Variants in ATP2B2 observed in about 807,000 individuals in gnomAD.
ATP2B2 encodes plasma membrane calcium-transporting ATPase 2.
ATP2B2 carries 15 observed loss-of-function variants against 120.0 expected under a neutral mutation model. The observed-to-expected ratio is 0.12, with a 90% confidence interval of 0.08 to 0.19. ATP2B2 has a LOEUF of 0.19. Ranked by LOEUF, ATP2B2 falls within the 10% of genes least tolerant of loss-of-function variation. The probability of loss-of-function intolerance (pLI) is 1.00; values close to 1 mark genes in which losing one functional copy is unlikely to be tolerated. For missense variants in ATP2B2, 1,045 were observed against 1,719.8 expected, an observed-to-expected ratio of 0.61 and a Z score of 6.94; for synonymous variants, 694 against 700.3, an observed-to-expected ratio of 0.99 and a Z score of 0.14.
intron 1 of ATP2B2, among the ~76,000 whole-genome samples, chr3:10,651,605 C>G (rs2070464186): frequency 6.6e-6 from 1 of 152,004 alleles, no homozygotes; most frequent in South Asian, 2.1e-4. Flanking sequence ...TGGAGTAACA[C>G]AGATGGGTTC....
chr3:10,479,824 G>C (rs1295704740), intron 1 of ATP2B2, among the ~76,000 whole-genome samples: 2 of 152,180 alleles, frequency 1.3e-5, no homozygotes, highest in African/African-American at 2.4e-5. Context: ...GGCTGGGCTT[G>C]GTGGCTCATG....
chr3:10,479,669 C>T (rs1575357121), intron 1 of ATP2B2, among the ~76,000 whole-genome samples: 1 of 152,114 alleles, frequency 6.6e-6, no homozygotes, highest in Admixed American at 6.5e-5. Context: ...TTCACTAAGG[C>T]CTGTGTCTAC....
chr3:10,686,629 A>G (rs2071532079), intron 1 of ATP2B2, among the ~76,000 whole-genome samples: 1 of 151,804 alleles, frequency 6.6e-6, no homozygotes, highest in African/African-American at 2.4e-5. Flanking sequence ...ACTCCAGCCT[A>G]GGCGACAGTG....
intron 2 of ATP2B2, among the ~76,000 whole-genome samples, chr3:10,557,002 C>A (rs75002986): frequency 0.039 from 5,979 of 152,128 alleles, 162 homozygotes; most frequent in Non-Finnish European, 0.058. Flanking sequence ...TGCTTTTTTT[C>A]TTTCTCTCCA....
At chr3:10,360,983 C>A (rs1226779009) in intron 12 of ATP2B2, among the ~76,000 whole-genome samples, 1 of 152,170 alleles carries the variant, frequency 6.6e-6, no homozygotes, top group Non-Finnish European at 1.5e-5. Flanking sequence ...TTCATCATTT[C>A]CAGCCTGTTA....
At chr3:10,657,075 A>G (rs935349488) in intron 1 of ATP2B2, among the ~76,000 whole-genome samples, 1 of 152,112 alleles carries the variant, frequency 6.6e-6, no homozygotes, top group Admixed American at 6.5e-5. Context: ...TTGTTTTTGG[A>G]GAAGATGCTC....
chr3:10,527,963 T>G (rs1575461703), intron 3 of ATP2B2, among the ~76,000 whole-genome samples: 7 of 130,976 alleles, frequency 5.3e-5, no homozygotes, highest in South Asian at 2.9e-4. Context: ...GGAGGTGGGG[T>G]GGGGAGGGGC....
At chr3:10,557,201 C>A (rs776078944) in intron 2 of ATP2B2, among the ~76,000 whole-genome samples, 1 of 152,194 alleles carries the variant, frequency 6.6e-6, no homozygotes, top group Non-Finnish European at 1.5e-5. Flanking sequence ...GTGGCCACTG[C>A]GTTCTGGAAG....
At position 10,342,609 on chromosome 3, in the gene ATP2B2, A is replaced by G; in HGVS notation, c.2917+143T>C. The G allele has an allele frequency of 1.0e-6, 1 of 981,972 alleles. No individual in the cohort carries two copies. The highest frequency in any genetic ancestry group is 1.6e-6 in the Non-Finnish European group (1 of 643,324). The allele number at this position is 981,972 out of a possible 1,614,324, so 60.8% of individuals were successfully genotyped here. A position where few individuals can be genotyped will look rare whatever the true frequency, so the allele number is the denominator to read the frequency against. ...AGACTTGCTGGTGTGACCTTGGGCA[A>G]CTTACTTGACCTCCCTGGGCCTCAA... On this transcript the variant is annotated intron_variant, in intron 19 of 22. Transcript: ENST00000360273. The surrounding 1 kb of genome is among the most constrained non-coding windows in gnomAD (Gnocchi z 4.4).
chr3:10,440,247 A>C (rs1231798691), intron 2 of ATP2B2, among the ~76,000 whole-genome samples: 3 of 151,550 alleles, frequency 2.0e-5, no homozygotes, highest in Non-Finnish European at 4.4e-5. Flanking sequence ...TGGGGAACCC[A>C]GTGTGAGAAC....
chr3:10,698,774 A>G (rs1459140321), intron 1 of ATP2B2, among the ~76,000 whole-genome samples: 1 of 152,236 alleles, frequency 6.6e-6, no homozygotes. Context: ...CCCACATACT[A>G]TAATTGAGGA....
At chr3:10,385,805 T>G (rs1438020012) in intron 7 of ATP2B2, among the ~76,000 whole-genome samples, 1 of 152,164 alleles carries the variant, frequency 6.6e-6, no homozygotes, top group Admixed American at 6.5e-5. Flanking sequence ...GGAAGAACAT[T>G]TGCTAATGGT....
At chr3:10,533,404 T>C (rs2067249399) in intron 3 of ATP2B2, among the ~76,000 whole-genome samples, 1 of 152,224 alleles carries the variant, frequency 6.6e-6, no homozygotes, top group Non-Finnish European at 1.5e-5. Context: ...ACATGAATCA[T>C]CTGCAAAATG....
At chr3:10,622,784 C>G (rs1462896777) in intron 1 of ATP2B2, among the ~76,000 whole-genome samples, 1 of 152,208 alleles carries the variant, frequency 6.6e-6, no homozygotes, top group African/African-American at 2.4e-5. Context: ...GCCACTGCCC[C>G]AGAAGAGCAG....
At chr3:10,702,243 T>G (rs940607353) in intron 1 of ATP2B2, among the ~76,000 whole-genome samples, 1 of 152,176 alleles carries the variant, frequency 6.6e-6, no homozygotes, top group African/African-American at 2.4e-5. Context: ...AGGCTTGCTG[T>G]GAGGACTAGA....
At chr3:10,442,563 T>C (rs913932858) in intron 2 of ATP2B2, among the ~76,000 whole-genome samples, 2 of 152,196 alleles carry the variant, frequency 1.3e-5, no homozygotes, top group East Asian at 3.8e-4. Flanking sequence ...CATGATTCAT[T>C]GGAACTTCAC....
chr3:10,515,406 T>C (rs1438747652), intron 3 of ATP2B2, among the ~76,000 whole-genome samples: 1 of 152,186 alleles, frequency 6.6e-6, no homozygotes, highest in Non-Finnish European at 1.5e-5. Flanking sequence ...TCTGAAGATA[T>C]CGTTCGTTCA....
chr3:10,496,377 GC>G (rs1364710740), intron 1 of ATP2B2, among the ~76,000 whole-genome samples: 3 of 152,110 alleles, frequency 2.0e-5, no homozygotes, highest in African/African-American at 7.2e-5. Flanking sequence ...AGGAGCTCCT[GC>G]CCGGGCAATT....
intron 1 of ATP2B2, among the ~76,000 whole-genome samples, chr3:10,638,412 A>T (rs1398841695): frequency 6.6e-6 from 1 of 152,222 alleles, no homozygotes; most frequent in Non-Finnish European, 1.5e-5. Flanking sequence ...GAAGTGGTAT[A>T]ATATTACTTG....
Sources: allele counts gnomAD v4.1 joint callset (sites outside exome capture counted in the v4.1 genomes callset), GRCh38; gene constraint gnomAD v4.1.1; non-coding constraint Gnocchi (gnomAD v3.1); transcripts MANE v1.5; gene names NCBI Gene and HGNC (gene_info 2026-07-23, HGNC 2026-07-21).